DCLK3: variants seen among roughly 807,000 people sequenced by gnomAD.
DCLK3 encodes the protein serine/threonine-protein kinase DCLK3.
Under a neutral mutation model 46.4 loss-of-function variants are expected in DCLK3, and 30 were observed. The ratio of observed to expected loss-of-function variants is 0.65; its 90% CI spans 0.48 to 0.88. The LOEUF is 0.88. DCLK3 is among the 40% of genes least tolerant of loss of function. DCLK3 has a pLI of 0.00. For synonymous variants in DCLK3, 401 were observed against 339.2 expected (o/e 1.18, Z -2.00); for missense variants, 846 against 907.1 (o/e 0.93, Z 0.87).
At chr3:36,756,860 C>T (rs963388730) in intron 1 of DCLK3, among the ~76,000 whole-genome samples, 5 of 151,588 alleles carry the variant, frequency 3.3e-5, no homozygotes, top group African/African-American at 9.7e-5. Flanking sequence ...GACAGGTATG[C>T]CTTCGCTCAC....
chr3:36,752,488 A>C (rs1176187846), intron 1 of DCLK3, among the ~76,000 whole-genome samples: 2 of 152,244 alleles, frequency 1.3e-5, no homozygotes, highest in African/African-American at 4.8e-5. Flanking sequence ...TACAGTAAGA[A>C]TGAGCACTGA....
rs1344815333 is a variant in DCLK3, at chr3:36,764,368, C to G, written c.-105G>C. 1 of 185,466 alleles carries G rather than the reference C, an allele frequency of 5.4e-6. No homozygotes were observed. The highest frequency in any genetic ancestry group is 1.1e-5 in the Non-Finnish European group (1 of 90,576). The allele number at this position is 185,466 out of a possible 1,614,324, so 11.5% of individuals were successfully genotyped here. ...GAAGGCGGGGCGAGACGAGCAGCCA[C>G]GAGCCCGCGCCGACTCTCCCTCTTC... On this transcript the variant is annotated 5_prime_UTR_variant, in exon 1 of 5. Coordinates refer to ENST00000636136, the MANE Select transcript of DCLK3 (RefSeq NM_001394672.2). This position sits in a 1 kb window ranked among gnomAD's most constrained non-coding sequence, Gnocchi z 4.9.
intron 3 of DCLK3, among the ~76,000 whole-genome samples, chr3:36,719,403 G>T (rs2125520716): frequency 6.6e-6 from 1 of 152,284 alleles, no homozygotes; most frequent in East Asian, 1.9e-4. Context: ...AATATTAAAA[G>T]AATAAGTCAC....
intron 1 of DCLK3, among the ~76,000 whole-genome samples, chr3:36,740,340 A>G (rs1176493258): frequency 6.6e-6 from 1 of 152,140 alleles, no homozygotes; most frequent in Non-Finnish European, 1.5e-5. Flanking sequence ...TCTATCAATA[A>G]GGTAGAAGTC....
At chr3:36,730,805 G>A (rs1164795189) in intron 2 of DCLK3, among the ~76,000 whole-genome samples, 1 of 151,764 alleles carries the variant, frequency 6.6e-6, no homozygotes, top group Non-Finnish European at 1.5e-5. Context: ...GGTTAAGGAA[G>A]GACTCACTGA....
At chr3:36,715,620 C>T in intron 4 of DCLK3, 99 bp from the exon 5 acceptor site, 1 of 1,335,766 alleles carries the variant, frequency 7.5e-7, no homozygotes, top group Non-Finnish European at 1.0e-6. Flanking sequence ...CACGTCAGCA[C>T]CACGGCTGGC....
At position 36,715,068 on chromosome 3, in the gene DCLK3, T is replaced by C; in HGVS notation, c.*260A>G. The C allele has an allele frequency of 2.3e-6, 1 of 429,990 alleles. No individual in the cohort carries two copies. Among genetic ancestry groups the C allele is most frequent in the South Asian group, 2.9e-5 (1 of 34,442 alleles). The allele number at this position is 429,990 out of a possible 1,614,324, so 26.6% of individuals were successfully genotyped here. On this transcript the variant is annotated 3_prime_UTR_variant, in exon 5 of 5. Coordinates refer to ENST00000636136, the MANE Select transcript of DCLK3 (RefSeq NM_001394672.2). Reference sequence around the variant, plus strand: ...ACAAAGGGGAAGCAAAACACATCATTATTACCAAAATTCCTCACTGATGAC... The same window carrying C: ...ACAAAGGGGAAGCAAAACACATCATCATTACCAAAATTCCTCACTGATGAC...
chr3:36,716,063 T>C (rs2125518902), intron 4 of DCLK3, among the ~76,000 whole-genome samples: 1 of 152,306 alleles, frequency 6.6e-6, no homozygotes, highest in Non-Finnish European at 1.5e-5. Context: ...GAAAACCGTG[T>C]AAAGAAATCT....
chr3:36,731,171 A>G (rs955991524), intron 2 of DCLK3, among the ~76,000 whole-genome samples: 1 of 152,110 alleles, frequency 6.6e-6, no homozygotes, highest in East Asian at 1.9e-4. Context: ...GAAGGAATGG[A>G]CTTTGGACTG....
At chr3:36,727,343 G>A (rs140762825) in intron 2 of DCLK3, among the ~76,000 whole-genome samples, 217 of 152,320 alleles carry the variant, frequency 1.4e-3, no homozygotes, top group African/African-American at 5.0e-3. Context: ...GTATACCAAA[G>A]TAAGAAGTGT....
chr3:36,740,301 A>G (rs1701330980), intron 1 of DCLK3, among the ~76,000 whole-genome samples: 1 of 152,112 alleles, frequency 6.6e-6, no homozygotes. Context: ...TCTATTTTAT[A>G]TTATAATTTC....
chr3:36,714,296 T>C lies in DCLK3; in HGVS notation c.*1032A>G, dbSNP rs1700947946. 6.6e-6 allele frequency: 1 copy of C among 152,200 alleles called. No individual in the cohort carries two copies. The highest frequency in any genetic ancestry group is 2.4e-5 in the African/African-American group (1 of 41,452). The allele number at this position is 152,200 out of a possible 1,614,324, so 9.4% of individuals were successfully genotyped here. On this transcript the variant is annotated 3_prime_UTR_variant, in exon 5 of 5. Coordinates refer to ENST00000636136, the MANE Select transcript of DCLK3 (RefSeq NM_001394672.2). Reference sequence around the variant, plus strand: ...AGGTAGACGTGAAAAAGCCACACTCTTGACTAGATTTTGTGGCCTACTAAC... The same window carrying C: ...AGGTAGACGTGAAAAAGCCACACTCCTGACTAGATTTTGTGGCCTACTAAC...
At chr3:36,715,722 T>A (rs1471176445) in intron 4 of DCLK3, among the ~76,000 whole-genome samples, 2 of 152,242 alleles carry the variant, frequency 1.3e-5, no homozygotes, top group Non-Finnish European at 2.9e-5. Flanking sequence ...TATTGAGCAT[T>A]TGAAATCTGG....
rs201297127 is a variant in DCLK3 at position 36,738,056 on chromosome 3, T to C, written c.1111A>G (p.Ser371Gly). 2.3e-4 allele frequency: 374 copies of C among 1,613,988 alleles called. No individual in the cohort carries two copies. Among genetic ancestry groups the C allele is most frequent in the Non-Finnish European group, 2.9e-4 (338 of 1,179,940 alleles). ...ASGEEGWKGD[S>G]HRSSPRNPTQ... is the part of the protein sequence containing the mutation. ...GGATTCCTGGGGCTGCTCCTGTGGC[T>C]GTCACCCTTCCACCCTTCCTCCCCA... The change falls in exon 2 of 5, where the codon AGC becomes GGC. Residue 371 changes from serine to glycine, a missense_variant. Physicochemically the swap from Ser to Gly is moderately conservative, Grantham distance 56. This residue lies in a region of DCLK3 where 553 missense variants were observed against 543.0 expected (regional missense o/e 1.02). Coordinates refer to ENST00000636136, the MANE Select transcript of DCLK3 (RefSeq NM_001394672.2).
chr3:36,753,053 A>T (rs953608591), intron 1 of DCLK3, among the ~76,000 whole-genome samples: 7 of 152,150 alleles, frequency 4.6e-5, no homozygotes, highest in Non-Finnish European at 1.0e-4. Flanking sequence ...CATTTAAGAA[A>T]AACTTCTTAA....
At chr3:36,759,568 C>T (rs1701520269) in intron 1 of DCLK3, among the ~76,000 whole-genome samples, 1 of 152,200 alleles carries the variant, frequency 6.6e-6, no homozygotes, top group South Asian at 2.1e-4. Flanking sequence ...GCTTAGAAAA[C>T]CCTCCTGACT....
intron 1 of DCLK3, among the ~76,000 whole-genome samples, chr3:36,760,161 C>T (rs1701526365): frequency 6.6e-6 from 1 of 152,156 alleles, no homozygotes; most frequent in Admixed American, 6.5e-5. Context: ...CTCTCTACCC[C>T]AGCTCCAGGC....
intron 2 of DCLK3, among the ~76,000 whole-genome samples, chr3:36,726,389 A>G (rs919708960): frequency 6.6e-6 from 1 of 151,770 alleles, no homozygotes; most frequent in Non-Finnish European, 1.5e-5. Flanking sequence ...CAAGCAGGAG[A>G]CTCATTAGTG....
At chr3:36,754,278 C>T (rs370116969) in intron 1 of DCLK3, among the ~76,000 whole-genome samples, 1 of 152,320 alleles carries the variant, frequency 6.6e-6, no homozygotes, top group South Asian at 2.1e-4. Flanking sequence ...CATCAGTTGA[C>T]TCCAAGAAAA....
Sources: gnomAD v4.1 joint callset for allele counts (sites outside exome capture counted in the v4.1 genomes callset) on GRCh38, gnomAD v4.1.1 for gene constraint, gnomAD v4.1.1 regional missense constraint, Gnocchi (gnomAD v3.1) non-coding constraint, MANE v1.5 for transcripts, NCBI Gene and HGNC (gene_info 2026-07-23, HGNC 2026-07-21) for gene names.